Variants in CEACAM20 observed in about 807,000 individuals in gnomAD.
The protein encoded by CEACAM20 is cell adhesion molecule CEACAM20.
A neutral mutation model predicts 61.2 loss-of-function variants in CEACAM20; 50 were observed. The observed-to-expected ratio is 0.82, with a 90% confidence interval of 0.65 to 1.03. The LOEUF (loss-of-function observed/expected upper bound fraction) is 1.03. Ranked by LOEUF, CEACAM20 falls within the 50% of genes least tolerant of loss-of-function variation. CEACAM20 has a pLI of 0.00. For synonymous variants in CEACAM20, 282 were observed against 287.7 expected, an observed-to-expected ratio of 0.98 and a Z score of 0.20; for missense variants, 683 against 736.4, an observed-to-expected ratio of 0.93 and a Z score of 0.84.
intron 3 of CEACAM20, among the ~76,000 whole-genome samples, chr19:44,523,447 A>G (rs563335220): frequency 9.7e-4 from 148 of 152,208 alleles, no homozygotes; most frequent in Non-Finnish European, 1.7e-3. Flanking sequence ...GAATGAATGA[A>G]TAAAGTGAGC....
In CEACAM20 at chr19:44,516,854, T is replaced by C. The variant is rs1971169714; in HGVS notation, c.1309+92A>G. On this transcript the variant is annotated intron_variant, in intron 6 of 11. Transcript: ENST00000614924. Reference sequence around the variant, plus strand: ...TCAGGCAGTGTGGAGACTGCCACACTCCAGCCCTCGGTAGGGGTAGACTAG... The same window carrying C: ...TCAGGCAGTGTGGAGACTGCCACACCCCAGCCCTCGGTAGGGGTAGACTAG... 8 of 1,432,210 alleles carry C rather than the reference T, an allele frequency of 5.6e-6. No homozygotes were observed. The Admixed American group carries it at 6.2e-5, about 11-fold the overall frequency. The allele number at this position is 1,432,210 out of a possible 1,614,324, so 88.7% of individuals were successfully genotyped here.
Position 44,510,588 on chromosome 19 carries a change from GAAA to G in CEACAM20, c.1737+439_1737+441del, listed in dbSNP as rs1970954418. ...AGAAAGAAAGAAAGAAAGAAAGAAA[GAAA>G]GAAAGAAAGAAAGAAAGAAAAAGGA... On this transcript the variant is annotated intron_variant, in intron 11 of 11. Coordinates refer to ENST00000614924, the MANE Select transcript of CEACAM20 (RefSeq NM_001102597.3). Among the ~76,000 whole-genome samples, 194 of 48,784 alleles carry G rather than the reference GAAA, an allele frequency of 4.0e-3. 4 individuals carry two copies. The highest frequency in any genetic ancestry group is 0.019 in the African/African-American group (172 of 9,134). 32.0% of individuals were successfully genotyped at this position (48,784 alleles called of 152,430 possible).
intron 6 of CEACAM20, among the ~76,000 whole-genome samples, chr19:44,514,398 G>A (rs772784642): frequency 2.0e-5 from 3 of 152,136 alleles, no homozygotes; most frequent in Non-Finnish European, 1.5e-5. Flanking sequence ...TGGAGGGGCA[G>A]GAGGGAACTT....
intron 1 of CEACAM20, among the ~76,000 whole-genome samples, chr19:44,526,602 C>T (rs188162861): frequency 2.6e-5 from 4 of 151,512 alleles, no homozygotes; most frequent in South Asian, 2.1e-4. Flanking sequence ...TGGGACCTGG[C>T]GCGGTGGCTC....
chr19:44,510,274 G>C (rs1305515283), intron 11 of CEACAM20, among the ~76,000 whole-genome samples: 1 of 152,004 alleles, frequency 6.6e-6, no homozygotes, highest in African/African-American at 2.4e-5. Context: ...CACTTTGGGA[G>C]GCCAAGGCGG....
At chr19:44,527,459 A>T (rs570043861) in intron 1 of CEACAM20, among the ~76,000 whole-genome samples, 23 of 152,248 alleles carry the variant, frequency 1.5e-4, no homozygotes, top group African/African-American at 5.3e-4. Flanking sequence ...CCATTTGAAA[A>T]ATGGCGGTAG....
intron 8 of CEACAM20, 31 bp from the exon 9 acceptor site, chr19:44,512,109 G>A (rs1405012927): frequency 6.4e-7 from 1 of 1,555,846 alleles, no homozygotes; most frequent in Non-Finnish European, 8.8e-7. Context: ...TCAGGAGCTG[G>A]AGTTCGAAAG....
At position 44,517,182 on chromosome 19, in the gene CEACAM20, T is replaced by C; in HGVS notation, c.1073A>G (p.Glu358Gly). The C allele has an allele frequency of 1.9e-6, 3 of 1,611,390 alleles. No homozygotes were observed. Among genetic ancestry groups the C allele is most frequent in the Non-Finnish European group, 2.5e-6 (3 of 1,179,852 alleles). The change falls in exon 6 of 12, where the codon GAG becomes GGG. Residue 358 changes from glutamate (E) to glycine (G), a missense_variant. Glu to Gly is a moderately conservative substitution (Grantham distance 98). Transcript: ENST00000614924. ...CTCTGCCTCTATGGTGCTGATCATC[T>C]CAGATGCCGACTCCCTGGTGATGTG... The part of the protein sequence containing the change: ...QVHITRESAS[E>G]MISTIEAELN...
chr19:44,517,748 A>C (rs1181213429), intron 5 of CEACAM20, among the ~76,000 whole-genome samples: 4 of 151,512 alleles, frequency 2.6e-5, no homozygotes, highest in Non-Finnish European at 5.9e-5. Flanking sequence ...TAATTCAAAG[A>C]AGTGTTTTAG....
At chr19:44,520,256 T>C (rs1195746834) in intron 5 of CEACAM20, among the ~76,000 whole-genome samples, 1 of 152,192 alleles carries the variant, frequency 6.6e-6, no homozygotes, top group Non-Finnish European at 1.5e-5. Context: ...TCTGGTGGTG[T>C]CCCTAAGCCT....
intron 3 of CEACAM20, among the ~76,000 whole-genome samples, chr19:44,523,654 C>T (rs1301646895): frequency 6.6e-6 from 1 of 151,992 alleles, no homozygotes; most frequent in Admixed American, 6.6e-5. Flanking sequence ...TTGCTCCAAG[C>T]AATCCTCTTG....
rs1971490309 is a variant in CEACAM20, at chr19:44,525,171, G to C, written c.126C>G (p.Thr42=). The C allele has an allele frequency of 6.2e-7, 1 of 1,610,580 alleles. No homozygotes were observed. Among genetic ancestry groups the C allele is most frequent in the Non-Finnish European group, 8.5e-7 (1 of 1,178,502 alleles). ...LTLNANPLDA[T]QSEDVVLPVF... Reference sequence around the variant, plus strand: ...CAGGCAGAACAACATCCTCACTTTGGGTGGCATCAAGTGGGTTGGCATTGA... The same window carrying C: ...CAGGCAGAACAACATCCTCACTTTGCGTGGCATCAAGTGGGTTGGCATTGA... The change falls in exon 2 of 12, where the codon ACC becomes ACG. Residue 42 remains threonine (T), a synonymous_variant. Coordinates refer to ENST00000614924, the MANE Select transcript of CEACAM20 (RefSeq NM_001102597.3).
At chr19:44,518,156 AAGGAAGGAAGG>A (rs1599676229) in intron 5 of CEACAM20, among the ~76,000 whole-genome samples, 4,527 of 85,952 alleles carry the variant, frequency 0.053, 396 homozygotes, top group Middle Eastern at 0.072. Flanking sequence ...GGAAGGAAGG[AAGGAAGGAAGG>A]AAGAAAGCAG....
intron 5 of CEACAM20, 29 bp downstream of exon 5, chr19:44,520,445 G>T (rs1299016651): frequency 2.5e-6 from 4 of 1,599,458 alleles, no homozygotes; most frequent in South Asian, 1.1e-5. Context: ...GCAGGGAGAT[G>T]GGGAAGGTCC....
chr19:44,507,675 C>T (rs10408058), intron 11 of CEACAM20, among the ~76,000 whole-genome samples: 31,752 of 152,092 alleles, frequency 0.21, 4,391 homozygotes, highest in African/African-American at 0.37. Flanking sequence ...AATCCCCATT[C>T]GAACTACATT....
intron 8 of CEACAM20, among the ~76,000 whole-genome samples, chr19:44,512,409 C>G (rs955125521): frequency 1.3e-5 from 2 of 152,122 alleles, no homozygotes; most frequent in African/African-American, 2.4e-5. Flanking sequence ...TTCTAGAAAG[C>G]CTTCCATATC....
chr19:44,513,117 GC>G (rs1728061827), intron 7 of CEACAM20, 54 bp downstream of exon 7: 2 of 1,431,666 alleles, frequency 1.4e-6, no homozygotes, highest in Admixed American at 1.9e-5. Context: ...CCCGGCAAGC[GC>G]CCCCTGCTGG....
intron 11 of CEACAM20, 54 bp downstream of exon 11, chr19:44,510,976 C>G: frequency 6.2e-7 from 1 of 1,608,326 alleles, no homozygotes; most frequent in Non-Finnish European, 8.5e-7. Flanking sequence ...GAAGAAAAAG[C>G]AGATTGGTGA....
chr19:44,525,695 G>A (rs533886870), intron 1 of CEACAM20, among the ~76,000 whole-genome samples: 7 of 152,036 alleles, frequency 4.6e-5, no homozygotes, highest in Admixed American at 6.6e-5. Flanking sequence ...TGCCCGCCTC[G>A]GCCTCCCAAA....
Sources: gnomAD v4.1 joint callset for allele counts (sites outside exome capture counted in the v4.1 genomes callset) on GRCh38, gnomAD v4.1.1 for gene constraint, MANE v1.5 for transcripts, NCBI Gene and HGNC (gene_info 2026-07-23, HGNC 2026-07-21) for gene names.